CPSF7: variants seen among roughly 807,000 people sequenced by gnomAD.
CPSF7 encodes cleavage and polyadenylation specificity factor subunit 7.
Under a neutral mutation model 44.3 loss-of-function variants are expected in CPSF7, and 1 was observed. That is an observed-to-expected ratio of 0.02 (90% CI 0.01 to 0.11). The LOEUF is 0.11. Ranked by LOEUF, CPSF7 falls within the 10% of genes least tolerant of loss-of-function variation. The pLI, the probability that CPSF7 is intolerant of heterozygous loss-of-function variation, is 1.00. For missense variants in CPSF7, 443 were observed against 607.2 expected (o/e 0.73, Z 2.84); for synonymous variants, 202 against 222.0 (o/e 0.91, Z 0.80).
At chr11:61,421,087 G>A in intron 3 of CPSF7, 1 of 1,367,226 alleles carries the variant, frequency 7.3e-7, no homozygotes, top group South Asian at 1.2e-5. Flanking sequence ...ACCACCAAGA[G>A]TTCAAGGTGT....
intron 8 of CPSF7, 147 bp downstream of exon 8, chr11:61,411,622 G>A: frequency 1.6e-6 from 1 of 635,528 alleles, no homozygotes; most frequent in Admixed American, 3.1e-5. Context: ...CATCTGATTA[G>A]TTTCTTCCCC....
Position 61,416,277 on chromosome 11 carries a change from G to T in CPSF7, c.766C>A (p.His256Asn). 1.3e-6 allele frequency: 2 copies of T among 1,540,682 alleles called. No homozygotes were observed. The highest frequency in any genetic ancestry group is 1.4e-5 in the African/African-American group (1 of 72,604). The stretch of plus-strand genomic sequence containing the variant: ...AATCGAGGAGGTGGGGGCATGAGAT[G>T]CTGGTAGTGGATACCAGGAGGAGGA... ...PPPPPGIHYQ[H>N]LMPPPPRLPP... Residue 256 changes from histidine to asparagine, a missense_variant, in exon 6 of 10, where the codon CAT becomes AAT. Transcript: ENST00000439958.
rs1232294625 is a variant in CPSF7, at chr11:61,406,752, A to AT, written c.*6-2049dup. Among the ~76,000 whole-genome samples, 41 of 151,940 alleles carry AT rather than the reference A, an allele frequency of 2.7e-4. 1 individual carries two copies. Among genetic ancestry groups the AT allele is most frequent in the Non-Finnish European group, 5.9e-5 (4 of 67,900 alleles). On this transcript the variant is annotated intron_variant, in intron 9 of 9. Transcript: ENST00000439958. ...CTCATCTTATTTTATTTTTATTACTATTTTTTTTGAGACAGGGTCTTGCTC... is the reference window on the plus strand; with the variant it reads ...CTCATCTTATTTTATTTTTATTACTATTTTTTTTTGAGACAGGGTCTTGCTC...
rs1859795213 is a variant in CPSF7, at chr11:61,410,925, G to A, written c.*5+13C>T. The stretch of plus-strand genomic sequence containing the variant: ...AAAATCCCCCAGCAGCCAGGAACGG[G>A]GCTTCTCCCCACCTTTCTCAGTGGT... On this transcript the variant is annotated intron_variant, in intron 9 of 9. Transcript: ENST00000439958. 2 of 1,564,446 alleles carry A rather than the reference G, an allele frequency of 1.3e-6. No homozygotes were observed. The highest frequency in any genetic ancestry group is 1.7e-6 in the Non-Finnish European group (2 of 1,159,318).
chr11:61,410,487 T>C (rs981159786), intron 9 of CPSF7: 6 of 153,016 alleles, frequency 3.9e-5, no homozygotes, highest in African/African-American at 1.4e-4. Flanking sequence ...ATAATGATAA[T>C]AACAATGGCT....
intron 5 of CPSF7, among the ~76,000 whole-genome samples, chr11:61,417,983 C>T (rs746240161): frequency 1.3e-5 from 2 of 152,160 alleles, no homozygotes; most frequent in African/African-American, 2.4e-5. Flanking sequence ...AGAAGTAGAA[C>T]GTTACCCCCA....
intron 5 of CPSF7, among the ~76,000 whole-genome samples, chr11:61,419,359 A>C (rs1321480787): frequency 6.6e-6 from 1 of 152,188 alleles, no homozygotes; most frequent in Non-Finnish European, 1.5e-5. Context: ...ACTGCCAAGC[A>C]GACTAAAACA....
chr11:61,406,931 C>T (rs1434963724), intron 9 of CPSF7, among the ~76,000 whole-genome samples: 1 of 152,128 alleles, frequency 6.6e-6, no homozygotes, highest in Non-Finnish European at 1.5e-5. Flanking sequence ...GAGCACATCA[C>T]CATGCCCAGC....
Position 61,429,945 on chromosome 11 carries a change from G to A in CPSF7, c.-87C>T. ...TATGGCGGCGGCGGCGGCGAGTCCGGACTAGGCCCGAAGCGCGCGAACCGC... is the reference window on the plus strand; with the variant it reads ...TATGGCGGCGGCGGCGGCGAGTCCGAACTAGGCCCGAAGCGCGCGAACCGC... On this transcript the variant is annotated 5_prime_UTR_variant, in exon 1 of 10. Transcript: ENST00000439958. 2 of 1,395,198 alleles carry A rather than the reference G, an allele frequency of 1.4e-6. No homozygotes were observed. Among genetic ancestry groups the A allele is most frequent in the Non-Finnish European group, 1.9e-6 (2 of 1,039,164 alleles). The allele number at this position is 1,395,198 out of a possible 1,614,324, so 86.4% of individuals were successfully genotyped here. A position where few individuals can be genotyped will look rare whatever the true frequency, so the allele number is the denominator to read the frequency against.
At chr11:61,408,343 G>A (rs765860155) in intron 9 of CPSF7, among the ~76,000 whole-genome samples, 32 of 152,094 alleles carry the variant, frequency 2.1e-4, no homozygotes, top group Non-Finnish European at 4.4e-4. Flanking sequence ...TCCTGACCTC[G>A]TGATCCACCC....
At chr11:61,420,142 A>G (rs985975504) in intron 4 of CPSF7, 48 bp from the exon 5 acceptor site, 2 of 1,451,740 alleles carry the variant, frequency 1.4e-6, no homozygotes, top group Non-Finnish European at 9.4e-7. Flanking sequence ...GACAGCCAAG[A>G]GAAGAAAAAA....
intron 8 of CPSF7, 104 bp downstream of exon 8, chr11:61,411,665 G>A (rs1859858908): frequency 4.9e-6 from 5 of 1,030,566 alleles, no homozygotes; most frequent in South Asian, 1.8e-5. Flanking sequence ...CCAGACTTTC[G>A]GCCAGGTCTT....
chr11:61,429,674 C>T (rs887225862), intron 1 of CPSF7: 2 of 1,455,022 alleles, frequency 1.4e-6, no homozygotes. Flanking sequence ...CCCCAGGTGT[C>T]AAGCAGCTCC....
At chr11:61,416,975 C>G (rs1462593500) in intron 5 of CPSF7, among the ~76,000 whole-genome samples, 1 of 152,054 alleles carries the variant, frequency 6.6e-6, no homozygotes, top group Non-Finnish European at 1.5e-5. Context: ...TTAAAATGTT[C>G]TCTTTGCCAC....
At chr11:61,415,910 T>C (rs1479761595) in intron 6 of CPSF7, 126 bp from the exon 7 acceptor site, 3 of 860,884 alleles carry the variant, frequency 3.5e-6, no homozygotes, top group African/African-American at 3.4e-5. Context: ...TCATAACACC[T>C]GCTCCCGCAT....
intron 1 of CPSF7, 96 bp from the exon 2 acceptor site, chr11:61,429,386 G>A: frequency 8.2e-6 from 6 of 728,350 alleles, no homozygotes; most frequent in South Asian, 7.9e-5. Context: ...CAGAGACGCA[G>A]CATCCTGGCG....
intron 2 of CPSF7, among the ~76,000 whole-genome samples, chr11:61,422,663 G>C (rs1363777476): frequency 6.6e-6 from 1 of 152,030 alleles, no homozygotes; most frequent in Non-Finnish European, 1.5e-5. Flanking sequence ...TAAAATATAA[G>C]GGCCAGAAAA....
At chr11:61,421,251 A>G in intron 3 of CPSF7, 139 bp downstream of exon 3, 2 of 1,007,176 alleles carry the variant, frequency 2.0e-6, no homozygotes, top group African/African-American at 1.6e-5. Flanking sequence ...TCAGAGATCA[A>G]TCCAACCTGA....
intron 8 of CPSF7, among the ~76,000 whole-genome samples, chr11:61,411,394 C>T (rs971602798): frequency 3.9e-5 from 6 of 152,092 alleles, no homozygotes; most frequent in African/African-American, 1.2e-4. Context: ...TATCAGTGTC[C>T]CTTTTTTAGA....
Sources: gnomAD v4.1 joint callset for allele counts (sites outside exome capture counted in the v4.1 genomes callset) on GRCh38, gnomAD v4.1.1 for gene constraint, MANE v1.5 for transcripts, NCBI Gene and HGNC (gene_info 2026-07-23, HGNC 2026-07-21) for gene names.